ALG5: variants seen among roughly 807,000 people sequenced by gnomAD.
ALG5 encodes the protein dolichyl-phosphate beta-glucosyltransferase.
In ALG5, 26 loss-of-function variants were observed where a neutral mutation model predicts 51.8. The ratio of observed to expected loss-of-function variants is 0.50; its 90% CI spans 0.37 to 0.70. ALG5 has a LOEUF of 0.70. Among genes scored for constraint, ALG5 ranks in the 30% least tolerant of loss-of-function variants. The pLI is 0.00. For synonymous variants in ALG5, 141 were observed against 136.1 expected, an observed-to-expected ratio of 1.04 and a Z score of -0.25; for missense variants, 311 against 399.3, an observed-to-expected ratio of 0.78 and a Z score of 1.88.
chr13:36,974,174 T>C lies in ALG5; in HGVS notation c.562-2138A>G, dbSNP rs538228570. ...GTTAAGTAGAAACAAGAGAACACTG[T>C]ATAGTACCACACTTTGCAATTTAAA... On this transcript the variant is annotated intron_variant, in intron 6 of 9. Coordinates refer to ENST00000239891, the MANE Select transcript of ALG5 (RefSeq NM_013338.5). 4.6e-5 allele frequency among the ~76,000 whole-genome samples: 7 copies of C among 152,038 alleles called. No individual in the cohort carries two copies. In the South Asian group the frequency reaches 1.0e-3, roughly 22 times the overall value.
intron 8 of ALG5, among the ~76,000 whole-genome samples, chr13:36,953,507 G>A (rs2058826977): frequency 6.6e-6 from 1 of 152,126 alleles, no homozygotes; most frequent in South Asian, 2.1e-4. Context: ...CTTCTTCATC[G>A]TCATTGAAAC....
Position 36,993,692 on chromosome 13 carries a change from A to G in ALG5, c.286-20T>C, listed in dbSNP as rs186706371. ...TCGTTTCTGCAAGAAACAAAAATAA[A>G]GTAATACAATTTGGCATAACTGCCA... On this transcript the variant is annotated intron_variant, in intron 3 of 9. Transcript: ENST00000239891. 4.0e-5 allele frequency: 65 copies of G among 1,607,240 alleles called. 3 individuals are homozygous for G. The East Asian group carries it at 1.4e-3, about 35-fold the overall frequency.
chr13:36,974,200 A>G lies in ALG5; in HGVS notation c.562-2164T>C, dbSNP rs191166180. ...ATAGTACCACACTTTGCAATTTAAA[A>G]AAGAATACATACACAGTATGCATCT... On this transcript the variant is annotated intron_variant, in intron 6 of 9. Coordinates refer to ENST00000239891, the MANE Select transcript of ALG5 (RefSeq NM_013338.5). Among the ~76,000 whole-genome samples the G allele has an allele frequency of 4.7e-3, 716 of 152,270 alleles. 6 individuals are homozygous for G. Among genetic ancestry groups the G allele is most frequent in the African/African-American group, 0.016 (677 of 41,524 alleles).
chr13:36,971,819 T>C (rs1230710057), intron 7 of ALG5, among the ~76,000 whole-genome samples, 158 bp downstream of exon 7: 3 of 152,094 alleles, frequency 2.0e-5, no homozygotes, highest in Non-Finnish European at 4.4e-5. Flanking sequence ...GTGCCAATCC[T>C]TCATAACCTT....
At chr13:36,973,621 C>CA (rs1228490004) in intron 6 of ALG5, among the ~76,000 whole-genome samples, 3 of 152,012 alleles carry the variant, frequency 2.0e-5, no homozygotes, top group Non-Finnish European at 4.4e-5. Context: ...GATAAAATAA[C>CA]AAAAAATCCA....
At chr13:36,979,496 C>T (rs2058969136) in intron 6 of ALG5, among the ~76,000 whole-genome samples, 1 of 152,146 alleles carries the variant, frequency 6.6e-6, no homozygotes, top group Admixed American at 6.6e-5. Context: ...TTTTAAGGAA[C>T]CAAACCATGC....
At chr13:36,965,507 T>C (rs2058888913) in intron 8 of ALG5, 68 bp downstream of exon 8, 1 of 1,447,400 alleles carries the variant, frequency 6.9e-7, no homozygotes. Flanking sequence ...TATACAGGGC[T>C]GTTTCTCATT....
intron 1 of ALG5, among the ~76,000 whole-genome samples, chr13:36,996,064 C>T (rs1420187379): frequency 6.6e-6 from 1 of 152,182 alleles, no homozygotes; most frequent in Non-Finnish European, 1.5e-5. Context: ...GGCACACTTT[C>T]CATCCAGGAC....
chr13:36,985,784 A>T (rs1359089133), intron 5 of ALG5, 44 bp from the exon 6 acceptor site: 21 of 1,348,856 alleles, frequency 1.6e-5, no homozygotes, highest in Non-Finnish European at 2.2e-5. Context: ...GTTAAAACTC[A>T]GGTTAAATTC....
intron 8 of ALG5, among the ~76,000 whole-genome samples, chr13:36,963,008 G>A (rs904585237): frequency 6.6e-6 from 1 of 152,018 alleles, no homozygotes; most frequent in African/African-American, 2.4e-5. Flanking sequence ...AAGTACAGTG[G>A]TGCAATCATA....
intron 8 of ALG5, 22 bp from the exon 9 acceptor site, chr13:36,952,621 T>C: frequency 1.4e-6 from 2 of 1,414,142 alleles, no homozygotes; most frequent in Middle Eastern, 2.1e-4. Flanking sequence ...AATATATTGA[T>C]ATTTATTTTT....
chr13:36,968,038 C>T (rs1415374204), intron 7 of ALG5: 1 of 219,402 alleles, frequency 4.6e-6, no homozygotes, highest in East Asian at 1.1e-4. Flanking sequence ...GTAGAGTTCA[C>T]ATGAAGACCT....
At chr13:36,957,892 G>A (rs542950250) in intron 8 of ALG5, among the ~76,000 whole-genome samples, 69 of 151,946 alleles carry the variant, frequency 4.5e-4, no homozygotes, top group Non-Finnish European at 8.5e-4. Flanking sequence ...CTCTAATTCC[G>A]CATCCCTAGA....
intron 6 of ALG5, among the ~76,000 whole-genome samples, chr13:36,975,982 AAAAAC>A (rs2058948586): frequency 6.6e-6 from 1 of 152,000 alleles, no homozygotes; most frequent in Non-Finnish European, 1.5e-5. Context: ...TCAAAAAAAA[AAAAAC>A]AAAACAAAAC....
chr13:36,996,919 T>C (rs1213733522), intron 1 of ALG5, among the ~76,000 whole-genome samples: 1 of 152,176 alleles, frequency 6.6e-6, no homozygotes, highest in African/African-American at 2.4e-5. Flanking sequence ...TGGCAACATT[T>C]GAAACCACAG....
At chr13:36,991,123 T>C (rs2059023543) in intron 4 of ALG5, among the ~76,000 whole-genome samples, 1 of 152,184 alleles carries the variant, frequency 6.6e-6, no homozygotes, top group African/African-American at 2.4e-5. Flanking sequence ...GCCCCATTAG[T>C]ACCGTGAACA....
rs566465782 is a variant in ALG5 at position 36,999,232 on chromosome 13, C to T, written c.66+3G>A. 3 of 1,576,368 alleles carry T rather than the reference C, an allele frequency of 1.9e-6. No individual in the cohort carries two copies. The highest frequency in any genetic ancestry group is 2.3e-5 in the South Asian group (2 of 87,234). ...CTGCGCGGGTTCCCATCCCTGTTCT[C>T]ACCAGTACGAGGGCTGCGGCCGCCA... On this transcript the variant is annotated splice_donor_region_variant and intron_variant, in intron 1 of 9. Coordinates refer to ENST00000239891, the MANE Select transcript of ALG5 (RefSeq NM_013338.5).
chr13:36,952,708 A>G (rs981648954), intron 8 of ALG5, 109 bp from the exon 9 acceptor site: 11 of 578,430 alleles, frequency 1.9e-5, no homozygotes, highest in Non-Finnish European at 3.2e-5. Flanking sequence ...TAAAGCTTAT[A>G]CCATAAATCT....
At chr13:36,981,039 G>A (rs1300603734) in intron 6 of ALG5, among the ~76,000 whole-genome samples, 5 of 152,110 alleles carry the variant, frequency 3.3e-5, no homozygotes, top group South Asian at 2.1e-4. Flanking sequence ...TTATTTGTAT[G>A]TATTATACAA....
Sources: gnomAD v4.1 joint callset for allele counts (sites outside exome capture counted in the v4.1 genomes callset) on GRCh38, gnomAD v4.1.1 for gene constraint, MANE v1.5 for transcripts, NCBI Gene and HGNC (gene_info 2026-07-23, HGNC 2026-07-21) for gene names.